The following TIMM17A variants were observed in gnomAD, a reference collection of about 807,000 sequenced individuals.
TIMM17A encodes mitochondrial import inner membrane translocase subunit Tim17-A.
In TIMM17A, 15 loss-of-function variants were observed where a neutral mutation model predicts 26.5. The ratio of observed to expected loss-of-function variants is 0.57; its 90% CI spans 0.38 to 0.87. The LOEUF (loss-of-function observed/expected upper bound fraction) is 0.87. TIMM17A is among the 40% of genes least tolerant of loss of function. The pLI is 0.00. For synonymous variants in TIMM17A, 80 were observed against 70.8 expected (o/e 1.13, Z -0.66); for missense variants, 201 against 210.0 (o/e 0.96, Z 0.27).
chr1:201,966,872 G>GTT (rs1042785974), intron 5 of TIMM17A, among the ~76,000 whole-genome samples: 9 of 133,428 alleles, frequency 6.7e-5, no homozygotes, highest in African/African-American at 2.2e-4. Context: ...ACATATATAT[G>GTT]TTATATATAT....
chr1:201,963,548 C>A (rs994060716), intron 3 of TIMM17A, 68 bp from the exon 4 acceptor site: 12 of 1,525,880 alleles, frequency 7.9e-6, no homozygotes, highest in Non-Finnish European at 1.1e-5. Context: ...ATGTTTTTGA[C>A]TATAATATTT....
intron 5 of TIMM17A, among the ~76,000 whole-genome samples, chr1:201,967,139 A>AAG (rs1349829841): frequency 6.6e-6 from 1 of 151,696 alleles, no homozygotes; most frequent in African/African-American, 2.4e-5. Context: ...ATTCAGCATA[A>AAG]AGTTAGGAAT....
At chr1:201,967,015 G>GTGTGTGTGTGTGTGTA (rs59893489) in intron 5 of TIMM17A, among the ~76,000 whole-genome samples, 314 of 118,804 alleles carry the variant, frequency 2.6e-3, no homozygotes, top group Middle Eastern at 0.013. Flanking sequence ...GTGTGTGTGT[G>GTGTGTGTGTGTGTGTA]TATATATATA....
intron 3 of TIMM17A, chr1:201,962,273 A>G (rs935236468): frequency 2.6e-5 from 4 of 152,186 alleles, no homozygotes; most frequent in Non-Finnish European, 4.4e-5. Flanking sequence ...TTTACATAGG[A>G]TGTGATGTCT....
At chr1:201,967,942 G>A (rs1682664492) in intron 5 of TIMM17A, among the ~76,000 whole-genome samples, 1 of 152,094 alleles carries the variant, frequency 6.6e-6, no homozygotes, top group Non-Finnish European at 1.5e-5. Flanking sequence ...GCTGTGTAGG[G>A]GGGAAATCTT....
chr1:201,962,204 C>T (rs533391147), intron 3 of TIMM17A: 3 of 152,134 alleles, frequency 2.0e-5, no homozygotes, highest in South Asian at 4.1e-4. Context: ...TATACCTAGA[C>T]GTCATAGCTC....
chr1:201,956,819 G>A lies in TIMM17A; in HGVS notation c.27-462G>A, dbSNP rs184687601. Among the ~76,000 whole-genome samples, 30 of 152,230 alleles carry A rather than the reference G, an allele frequency of 2.0e-4. 2 individuals carry two copies. In the East Asian group the frequency reaches 5.8e-3, roughly 29 times the overall value. On this transcript the variant is annotated intron_variant, in intron 1 of 5. Coordinates refer to ENST00000367287, the MANE Select transcript of TIMM17A (RefSeq NM_006335.3). ...AAAAATACAAATATTAGCCGGGCGT[G>A]GTGGCACGCGCCTGTAGTCCCAGCT...
chr1:201,963,588 T>A (rs1194063998), intron 3 of TIMM17A, 28 bp from the exon 4 acceptor site: 1 of 1,588,338 alleles, frequency 6.3e-7, no homozygotes, highest in Non-Finnish European at 8.5e-7. Context: ...AAATTAGTAT[T>A]TGCTTGTTTC....
At chr1:201,957,685 T>C in intron 3 of TIMM17A, 111 bp downstream of exon 3, 1 of 908,404 alleles carries the variant, frequency 1.1e-6, no homozygotes, top group African/African-American at 1.7e-5. Context: ...GTCTAACGGT[T>C]TGTCACAAAC....
chr1:201,955,618 C>G (rs778983210), intron 1 of TIMM17A, 66 bp downstream of exon 1: 4 of 1,607,746 alleles, frequency 2.5e-6, no homozygotes, highest in Non-Finnish European at 3.4e-6. Context: ...TCTCCCTTGT[C>G]CAGGCTCCCA....
At position 201,970,187 on chromosome 1, in the gene TIMM17A, G is replaced by A. The variant is rs1682709087; in HGVS notation, c.*633G>A. The stretch of plus-strand genomic sequence containing the variant: ...TTGGATACAAAACTCTCTTCCTTTA[G>A]GGCTACTGAGTCTTGATTCCTGATC... On this transcript the variant is annotated 3_prime_UTR_variant, in exon 6 of 6. Transcript: ENST00000367287. The A allele has an allele frequency of 6.6e-6, 1 of 152,144 alleles. No homozygotes were observed. The highest frequency in any genetic ancestry group is 6.5e-5 in the Admixed American group (1 of 15,280). 9.4% of individuals were successfully genotyped at this position (152,144 alleles called of 1,614,324 possible).
At chr1:201,955,576 A>G (rs776862999) in intron 1 of TIMM17A, 24 bp downstream of exon 1, 9 of 1,614,034 alleles carry the variant, frequency 5.6e-6, no homozygotes, top group Non-Finnish European at 7.6e-6. Flanking sequence ...CTGTCTTTGC[A>G]TTTCTCTTGC....
Position 201,960,164 on chromosome 1 carries a change from C to T in TIMM17A, c.190+2590C>T, listed in dbSNP as rs12021622. ...CCTGTAATCCCAGCACTTCGGGAGGCTGAGGCAGTAGATTACCTAAGGTCG... is the reference window on the plus strand; with the variant it reads ...CCTGTAATCCCAGCACTTCGGGAGGTTGAGGCAGTAGATTACCTAAGGTCG... On this transcript the variant is annotated intron_variant, in intron 3 of 5. Coordinates refer to ENST00000367287, the MANE Select transcript of TIMM17A (RefSeq NM_006335.3). Among the ~76,000 whole-genome samples the T allele has an allele frequency of 1.6e-3, 246 of 152,274 alleles. 5 individuals are homozygous for T. The East Asian group carries it at 0.045, about 28-fold the overall frequency.
chr1:201,966,846 AAT>A (rs954232009), intron 5 of TIMM17A, among the ~76,000 whole-genome samples: 2 of 144,290 alleles, frequency 1.4e-5, no homozygotes, highest in Admixed American at 7.1e-5. Context: ...CATCTCAAAA[AAT>A]ATATATATAT....
At chr1:201,963,812 A>G in intron 4 of TIMM17A, 68 bp downstream of exon 4, 1 of 1,495,900 alleles carries the variant, frequency 6.7e-7, no homozygotes. Context: ...GCCTCAATTG[A>G]ATGACATCTG....
At chr1:201,959,074 C>T (rs1452178076) in intron 3 of TIMM17A, among the ~76,000 whole-genome samples, 1 of 152,190 alleles carries the variant, frequency 6.6e-6, no homozygotes, top group Non-Finnish European at 1.5e-5. Context: ...CTAGTATATG[C>T]AGAAGCCATA....
intron 4 of TIMM17A, among the ~76,000 whole-genome samples, chr1:201,964,445 A>G (rs923303469): frequency 5.9e-5 from 9 of 152,096 alleles, no homozygotes; most frequent in African/African-American, 2.2e-4. Flanking sequence ...GGTTTAGACC[A>G]AGGGATTTGC....
intron 5 of TIMM17A, among the ~76,000 whole-genome samples, chr1:201,968,984 T>C (rs775397226): frequency 6.6e-6 from 1 of 151,662 alleles, no homozygotes; most frequent in Non-Finnish European, 1.5e-5. Flanking sequence ...AGCTAGGGGG[T>C]GTCTTCCCAT....
chr1:201,965,391 G>A, intron 4 of TIMM17A, 42 bp from the exon 5 acceptor site: 1 of 1,391,704 alleles, frequency 7.2e-7, no homozygotes, highest in Non-Finnish European at 1.0e-6. Flanking sequence ...CAGTAAACTA[G>A]ATTTCTGTAA....
Sources: gnomAD v4.1 joint callset for allele counts (sites outside exome capture counted in the v4.1 genomes callset) on GRCh38, gnomAD v4.1.1 for gene constraint, MANE v1.5 for transcripts, NCBI Gene and HGNC (gene_info 2026-07-23, HGNC 2026-07-21) for gene names.